FGF13: variants seen among roughly 807,000 people sequenced by gnomAD.
The protein encoded by FGF13 is fibroblast growth factor 13.
FGF13 carries 2 observed loss-of-function variants against 19.5 expected under a neutral mutation model. The ratio of observed to expected loss-of-function variants is 0.10; its 90% CI spans 0.04 to 0.32. FGF13 has a LOEUF of 0.32. Ranked by LOEUF, FGF13 falls within the 10% of genes least tolerant of loss-of-function variation. FGF13 has a pLI of 1.00. For synonymous variants in FGF13, 72 were observed against 76.9 expected (o/e 0.94, Z 0.33); for missense variants, 113 against 192.7 (o/e 0.59, Z 2.45).
intron 3 of FGF13, among the ~76,000 whole-genome samples, chrX:138,812,339 A>G (rs1421990402): frequency 8.9e-6 from 1 of 112,092 alleles, no homozygotes; most frequent in African/African-American, 3.2e-5. Context: ...TTAAGCTATT[A>G]TTAACAATGG....
At chrX:139,005,156 G>A (rs2092095021) in intron 1 of FGF13, among the ~76,000 whole-genome samples, 1 of 93,378 alleles carries the variant, frequency 1.1e-5, no homozygotes, top group Non-Finnish European at 2.1e-5. Context: ...CTCAGGAGAA[G>A]CCCACTGGCG....
At chrX:139,062,004 C>G (rs1383727757) in intron 1 of FGF13, among the ~76,000 whole-genome samples, 1 of 111,013 alleles carries the variant, frequency 9.0e-6, no homozygotes, top group African/African-American at 3.3e-5. Flanking sequence ...AAATATTTCC[C>G]CCATATATAG....
At chrX:138,918,625 A>C (rs2091629976) in intron 1 of FGF13, among the ~76,000 whole-genome samples, 1 of 111,713 alleles carries the variant, frequency 9.0e-6, no homozygotes, top group African/African-American at 3.3e-5. Flanking sequence ...CTATTAAACA[A>C]GTCACAGTCT....
rs59636336 is a variant in FGF13, at chrX:138,980,675, GTTTTTTTT to G, written c.-112-116033_-112-116026del. On this transcript the variant is annotated intron_variant, in intron 1 of 2. Transcript: ENST00000421460. ...CACTATGGATGCTTCCAGAAGTGTGGTTTTTTTTTTTTTTTTTTTTTTGCATTAATGGC... is the reference window on the plus strand; with the variant it reads ...CACTATGGATGCTTCCAGAAGTGTGGTTTTTTTTTTTTTTGCATTAATGGC... Among the ~76,000 whole-genome samples, 604 of 84,859 alleles carry G rather than the reference GTTTTTTTT, an allele frequency of 7.1e-3. 3 individuals carry two copies. Among genetic ancestry groups the G allele is most frequent in the East Asian group, 0.017 (44 of 2,662 alleles). The allele number at this position is 84,859 out of a possible 115,157, so 73.7% of individuals were successfully genotyped here.
intron 3 of FGF13, among the ~76,000 whole-genome samples, chrX:138,836,727 G>A (rs1005569025): frequency 1.6e-4 from 18 of 111,791 alleles, no homozygotes; most frequent in African/African-American, 2.9e-4. Context: ...GCCCAGTTCC[G>A]AACCCTTGTT....
At chrX:139,176,960 A>C (rs1269946142) in intron 1 of FGF13, among the ~76,000 whole-genome samples, 1 of 111,636 alleles carries the variant, frequency 9.0e-6, no homozygotes, top group Non-Finnish European at 1.9e-5. Context: ...AGTCCTGAAT[A>C]TCCTTGTGAA....
At chrX:138,716,331 A>C (rs2090100921), upstream of FGF13, 1 of 112,226 alleles carries the variant, frequency 8.9e-6, no homozygotes, top group African/African-American at 3.2e-5. Context: ...GCCAAGTACC[A>C]CCTTTTGTGG....
rs141893776 is a variant in FGF13 at position 139,123,453 on chromosome X, T to C, written c.-113+79963A>G. ...ACAAGCAGATCTTGAGCACAGATGC[T>C]TTGTACTTACTCTTCTCTCTCCCAG... On this transcript the variant is annotated intron_variant, in intron 1 of 2. Coordinates refer to the FGF13 transcript ENST00000421460. Among the ~76,000 whole-genome samples the C allele has an allele frequency of 6.9e-4, 77 of 111,536 alleles. No homozygotes were observed. The East Asian group carries it at 0.022, about 32-fold the overall frequency.
At chrX:139,189,741 A>G (rs1161315141) in intron 1 of FGF13, among the ~76,000 whole-genome samples, 3 of 112,100 alleles carry the variant, frequency 2.7e-5, no homozygotes, top group African/African-American at 9.7e-5. Flanking sequence ...AACGTTCTGA[A>G]GACTGGTTGC....
intron 1 of FGF13, among the ~76,000 whole-genome samples, chrX:139,098,616 CA>C (rs1158541474): frequency 1.8e-5 from 2 of 111,479 alleles, no homozygotes; most frequent in South Asian, 3.8e-4. Context: ...TCATCCTAAG[CA>C]AATTAATGTC....
At chrX:138,784,246 C>G (rs1309178499) in intron 3 of FGF13, among the ~76,000 whole-genome samples, 53 of 99,056 alleles carry the variant, frequency 5.4e-4, no homozygotes, top group African/African-American at 1.9e-3. Context: ...AGCGCACCAG[C>G]ATGGCACATG....
intron 3 of FGF13, among the ~76,000 whole-genome samples, chrX:138,639,004 A>AC (rs1425377393): frequency 8.9e-6 from 1 of 111,856 alleles, no homozygotes; most frequent in African/African-American, 3.3e-5. Flanking sequence ...AGGCCAAAAA[A>AC]AGAATGCTGA....
At chrX:138,692,128 C>G (rs2124211059) in intron 3 of FGF13, among the ~76,000 whole-genome samples, 1 of 111,436 alleles carries the variant, frequency 9.0e-6, no homozygotes, top group Non-Finnish European at 1.9e-5. Context: ...CACAAAAGTT[C>G]ATAATTGGTC....
chrX:138,825,950 C>A (rs772156969), intron 3 of FGF13, among the ~76,000 whole-genome samples: 1 of 111,016 alleles, frequency 9.0e-6, no homozygotes, highest in Admixed American at 9.6e-5. Context: ...TTTCTAACTC[C>A]TTAGGCAATA....
intron 3 of FGF13, among the ~76,000 whole-genome samples, chrX:138,694,511 C>T (rs1301760708): frequency 2.1e-5 from 2 of 97,513 alleles, no homozygotes; most frequent in African/African-American, 3.9e-5. Flanking sequence ...AGTGCAGTGG[C>T]GCAATCTTGG....
intron 1 of FGF13, among the ~76,000 whole-genome samples, chrX:139,008,831 A>G (rs1043831999): frequency 8.9e-6 from 1 of 112,171 alleles, no homozygotes; most frequent in Non-Finnish European, 1.9e-5. Context: ...CTAACCAGCA[A>G]TGAACCCAAG....
chrX:138,935,809 T>C (rs943494732), intron 1 of FGF13, among the ~76,000 whole-genome samples: 2 of 111,975 alleles, frequency 1.8e-5, no homozygotes, highest in Non-Finnish European at 3.8e-5. Context: ...CACTGCTTTG[T>C]TCTCCATCAT....
chrX:139,150,265 G>A (rs775599087), intron 1 of FGF13, among the ~76,000 whole-genome samples: 17 of 111,677 alleles, frequency 1.5e-4, no homozygotes, highest in Non-Finnish European at 2.4e-4. Context: ...AGTGATCCCC[G>A]TACCTCAAGA....
intron 1 of FGF13, among the ~76,000 whole-genome samples, chrX:139,078,582 G>A (rs2083347400): frequency 8.9e-6 from 1 of 112,807 alleles, no homozygotes; most frequent in Non-Finnish European, 1.9e-5. Flanking sequence ...CATAACAAAT[G>A]CAGATCAAAT....
Sources: allele counts gnomAD v4.1 joint callset (sites outside exome capture counted in the v4.1 genomes callset), GRCh38; gene constraint gnomAD v4.1.1; transcripts MANE v1.5; gene names NCBI Gene and HGNC (gene_info 2026-07-23, HGNC 2026-07-21).